C1orf115: variants seen among roughly 807,000 people sequenced by gnomAD.
The protein encoded by C1orf115 is chromosome 1 open reading frame 115.
C1orf115 carries 14 observed loss-of-function variants against 12.5 expected under a neutral mutation model. The ratio of observed to expected loss-of-function variants is 1.12; its 90% CI spans 0.74 to 1.75. The LOEUF is 1.75. Among genes scored for constraint, C1orf115 ranks in the 40% most tolerant of loss-of-function variants. The pLI, the probability that C1orf115 is intolerant of heterozygous loss-of-function variation, is 0.00. For missense variants in C1orf115, 237 were observed against 220.8 expected, an observed-to-expected ratio of 1.07 and a Z score of -0.46; for synonymous variants, 109 against 104.6, an observed-to-expected ratio of 1.04 and a Z score of -0.26.
intron 1 of C1orf115, among the ~76,000 whole-genome samples, chr1:220,694,082 A>AAG (rs1670153290): frequency 4.5e-5 from 1 of 22,426 alleles, no homozygotes; most frequent in African/African-American, 2.0e-4. Context: ...CGCGGTCTCA[A>AAG]AAAAAAAAAA....
chr1:220,693,556 T>C (rs1461035960), intron 1 of C1orf115, among the ~76,000 whole-genome samples: 1 of 152,210 alleles, frequency 6.6e-6, no homozygotes, highest in Non-Finnish European at 1.5e-5. Flanking sequence ...TACCCACACA[T>C]GCGCATGCCC....
chr1:220,696,610 A>G lies in C1orf115; in HGVS notation c.310-2A>G. ...GCTTTTCTCTTTTATTCCTAACACT[A>G]GAATGTCGGGAAGGTCATCATCAAA... is the stretch of plus-strand genomic sequence containing the variant. On this transcript the variant is annotated splice_acceptor_variant, in intron 1 of 1. Transcript: ENST00000294889. LOFTEE classifies it high-confidence loss of function. 4 of 1,579,048 alleles carry G rather than the reference A, an allele frequency of 2.5e-6. No individual in the cohort carries two copies. Among genetic ancestry groups the G allele is most frequent in the Middle Eastern group, 1.7e-4 (1 of 5,942 alleles).
At chr1:220,696,162 G>A (rs905167172) in intron 1 of C1orf115, among the ~76,000 whole-genome samples, 3 of 152,176 alleles carry the variant, frequency 2.0e-5, no homozygotes, top group Admixed American at 6.5e-5. Context: ...ATATGCCATT[G>A]AGGTAGAAGG....
intron 1 of C1orf115, among the ~76,000 whole-genome samples, chr1:220,692,423 G>A (rs1670126727): frequency 6.6e-6 from 1 of 152,194 alleles, no homozygotes; most frequent in African/African-American, 2.4e-5. Flanking sequence ...GCATAAACAA[G>A]TGTGTTATAT....
At chr1:220,696,128 G>A (rs573795529) in intron 1 of C1orf115, among the ~76,000 whole-genome samples, 2 of 152,264 alleles carry the variant, frequency 1.3e-5, no homozygotes, top group South Asian at 4.1e-4. Context: ...ACTACAAAAG[G>A]ACAGATGTGT....
Position 220,690,445 on chromosome 1 carries a change from CT to C in C1orf115, c.44del (p.Leu15ProfsTer84). Reference protein sequence around the residue: ...ARLRSKAESSLLRRGPRGRGR... With the variant: ...ARLRSKAESSXLRRGPRGRGR... ...GCTCCGAAGCAAGGCGGAGAGCAGC[CT>C]CCTGCGCCGCGGGCCCCGAGGGCGA... On this transcript the variant is annotated frameshift_variant, in exon 1 of 2. Transcript: ENST00000294889. LOFTEE classifies it high-confidence loss of function. 6.9e-7 allele frequency: 1 copy of C among 1,447,868 alleles called. No homozygotes were observed. The highest frequency in any genetic ancestry group is 2.0e-4 in the Middle Eastern group (1 of 4,972). 89.7% of individuals were successfully genotyped at this position (1,447,868 alleles called of 1,614,324 possible). A position where few individuals can be genotyped will look rare whatever the true frequency, so the allele number is the denominator to read the frequency against.
Position 220,696,560 on chromosome 1 carries a change from A to G in C1orf115, c.310-52A>G, listed in dbSNP as rs1465420970. The G allele has an allele frequency of 2.0e-6, 3 of 1,484,228 alleles. No individual in the cohort carries two copies. The East Asian group carries it at 7.0e-5, about 35-fold the overall frequency. The allele number at this position is 1,484,228 out of a possible 1,614,324, so 91.9% of individuals were successfully genotyped here. On this transcript the variant is annotated intron_variant, in intron 1 of 1. Transcript: ENST00000294889. ...TTTTTTCATGAAAGATGGCAGAATTAAAAAGTTGCCTACCCTAATCCTTTG... is the reference window on the plus strand; with the variant it reads ...TTTTTTCATGAAAGATGGCAGAATTGAAAAGTTGCCTACCCTAATCCTTTG...
chr1:220,690,791 C>G, intron 1 of C1orf115, 80 bp downstream of exon 1: 1 of 1,474,026 alleles, frequency 6.8e-7, no homozygotes, highest in South Asian at 1.3e-5. Context: ...TCCTTACCAT[C>G]GACTCACCCA....
Position 220,690,673 on chromosome 1 carries a change from A to G in C1orf115, c.271A>G (p.Arg91Gly), listed in dbSNP as rs1670087853. 1.9e-6 allele frequency: 3 copies of G among 1,596,560 alleles called. No individual in the cohort carries two copies. Among genetic ancestry groups the G allele is most frequent in the Non-Finnish European group, 2.6e-6 (3 of 1,172,886 alleles). The stretch of plus-strand genomic sequence containing the variant: ...GGAGCCGGCGCCGAGCGAGCAGCCC[A>G]GGAAGAGGTACCGGAGGAAGCTGAA... ...LEEPAPSEQP[R>G]KRYRRKLKKY... is the part of the protein sequence containing the mutation. Residue 91 changes from arginine (R) to glycine (G), a missense_variant, in exon 1 of 2, where the codon AGG becomes GGG. Coordinates refer to ENST00000294889, the MANE Select transcript of C1orf115 (RefSeq NM_024709.5).
Position 220,698,758 on chromosome 1 carries a change from C to T in C1orf115, c.*2027C>T, listed in dbSNP as rs1391139000. 6.6e-6 allele frequency: 1 copy of T among 152,178 alleles called. No individual in the cohort carries two copies. Among genetic ancestry groups the T allele is most frequent in the Non-Finnish European group, 1.5e-5 (1 of 68,074 alleles). 9.4% of individuals were successfully genotyped at this position (152,178 alleles called of 1,614,324 possible). A position where few individuals can be genotyped will look rare whatever the true frequency, so the allele number is the denominator to read the frequency against. On this transcript the variant is annotated 3_prime_UTR_variant, in exon 2 of 2. Coordinates refer to ENST00000294889, the MANE Select transcript of C1orf115 (RefSeq NM_024709.5). ...CTCCCATCCCCCAAATTGGAAAAAC[C>T]GTACATTCAAGCCTGTTTGGCCCTG...
At position 220,692,743 on chromosome 1, in the gene C1orf115, A is replaced by G. The variant is rs77846827; in HGVS notation, c.309+2032A>G. Among the ~76,000 whole-genome samples, 438 of 152,350 alleles carry G rather than the reference A, an allele frequency of 2.9e-3. 2 individuals are homozygous for G. Among genetic ancestry groups the G allele is most frequent in the Non-Finnish European group, 5.0e-3 (339 of 68,022 alleles). On this transcript the variant is annotated intron_variant, in intron 1 of 1. Transcript: ENST00000294889. ...AGATAGAAGTGGTGGTTGCACAACA[A>G]TGTAAATGTACTAAATGCCACCGGG...
At chr1:220,694,779 G>A (rs553961483) in intron 1 of C1orf115, among the ~76,000 whole-genome samples, 3 of 152,284 alleles carry the variant, frequency 2.0e-5, no homozygotes, top group African/African-American at 7.2e-5. Flanking sequence ...GAACTAAAGA[G>A]TTCTTCAAAT....
At chr1:220,691,000 A>G (rs1670096994) in intron 1 of C1orf115, among the ~76,000 whole-genome samples, 1 of 152,202 alleles carries the variant, frequency 6.6e-6, no homozygotes, top group African/African-American at 2.4e-5. Flanking sequence ...ATGTAAGATC[A>G]GGAATCAGTT....
At chr1:220,696,527 G>A in intron 1 of C1orf115, 85 bp from the exon 2 acceptor site, 1 of 1,422,270 alleles carries the variant, frequency 7.0e-7, no homozygotes. Context: ...ATGTCGCCGT[G>A]ACTCATTTTT....
intron 1 of C1orf115, among the ~76,000 whole-genome samples, chr1:220,693,452 A>T (rs1670142701): frequency 6.6e-6 from 1 of 152,180 alleles, no homozygotes; most frequent in Non-Finnish European, 1.5e-5. Context: ...CCCAGAGAAT[A>T]TGTTTTTCTT....
chr1:220,690,531 C>A lies in C1orf115; in HGVS notation c.129C>A (p.Asp43Glu). The A allele has an allele frequency of 6.9e-7, 1 of 1,444,298 alleles. No homozygotes were observed. Among genetic ancestry groups the A allele is most frequent in the Non-Finnish European group, 9.0e-7 (1 of 1,105,220 alleles). 89.5% of individuals were successfully genotyped at this position (1,444,298 alleles called of 1,614,324 possible). ...AAILEHLEYA[D>E]EAEAAAESGT... ...TCCTGGAGCACCTGGAGTACGCGGACGAGGCGGAGGCGGCGGCCGAGAGCG... is the reference window on the plus strand; with the variant it reads ...TCCTGGAGCACCTGGAGTACGCGGAAGAGGCGGAGGCGGCGGCCGAGAGCG... Residue 43 changes from aspartate to glutamate, a missense_variant, in exon 1 of 2, where the codon GAC (aspartate) becomes GAA (glutamate). Physicochemically the swap from Asp to Glu is conservative, Grantham distance 45. Transcript: ENST00000294889.
Position 220,690,486 on chromosome 1 carries a change from G to T in C1orf115, c.84G>T (p.Gly28=). 1.4e-6 allele frequency: 2 copies of T among 1,436,124 alleles called. No homozygotes were observed. Among genetic ancestry groups the T allele is most frequent in the Non-Finnish European group, 1.8e-6 (2 of 1,101,808 alleles). The allele number at this position is 1,436,124 out of a possible 1,614,324, so 89.0% of individuals were successfully genotyped here. Residue 28 remains glycine, a synonymous_variant, in exon 1 of 2, where the codon GGG becomes GGT. Transcript: ENST00000294889. ...RGPRGRGRTE[G]DEEAAAILEH... Reference sequence around the variant, plus strand: ...CCCGAGGGCGAGGGCGAACCGAGGGGGACGAGGAGGCGGCCGCCATCCTGG... The same window carrying T: ...CCCGAGGGCGAGGGCGAACCGAGGGTGACGAGGAGGCGGCCGCCATCCTGG...
chr1:220,691,424 T>C (rs937777099), intron 1 of C1orf115, among the ~76,000 whole-genome samples: 2 of 152,172 alleles, frequency 1.3e-5, no homozygotes, highest in Non-Finnish European at 2.9e-5. Flanking sequence ...TGCCGGAAGC[T>C]CTGCTGGCCT....
intron 1 of C1orf115, among the ~76,000 whole-genome samples, chr1:220,693,110 CA>C (rs1237102319): frequency 6.6e-6 from 1 of 152,146 alleles, no homozygotes; most frequent in African/African-American, 2.4e-5. Flanking sequence ...CCCGAGACCC[CA>C]GCTCCCCTCT....
Sources: allele counts gnomAD v4.1 joint callset (sites outside exome capture counted in the v4.1 genomes callset), GRCh38; gene constraint gnomAD v4.1.1; transcripts MANE v1.5; gene names NCBI Gene and HGNC (gene_info 2026-07-23, HGNC 2026-07-21).